Variants in PTPRB observed in about 807,000 individuals in gnomAD.
PTPRB encodes the protein receptor-type tyrosine-protein phosphatase beta.
In PTPRB, 97 loss-of-function variants were observed where a neutral mutation model predicts 238.1. That is an observed-to-expected ratio of 0.41 (90% CI 0.35 to 0.48). The LOEUF is 0.48. Among genes scored for constraint, PTPRB ranks in the 20% least tolerant of loss-of-function variants. PTPRB has a pLI of 0.30. For missense variants in PTPRB, 2,292 were observed against 2,681.9 expected (o/e 0.85, Z 3.21); for synonymous variants, 970 against 995.4 (o/e 0.97, Z 0.48).
At chr12:70,596,581 T>G (rs73144092) in intron 4 of PTPRB, among the ~76,000 whole-genome samples, 4,141 of 152,204 alleles carry the variant, frequency 0.027, 79 homozygotes, top group Middle Eastern at 0.051. Flanking sequence ...TGAAACTTTT[T>G]TTGTTGTTGT....
At chr12:70,543,468 C>G (rs1186141469) in intron 22 of PTPRB, among the ~76,000 whole-genome samples, 1 of 152,166 alleles carries the variant, frequency 6.6e-6, no homozygotes, top group Non-Finnish European at 1.5e-5. Context: ...TACAAAGTCC[C>G]TACATTAAAT....
intron 3 of PTPRB, among the ~76,000 whole-genome samples, chr12:70,620,597 G>A (rs1275766728): frequency 6.6e-6 from 1 of 151,960 alleles, no homozygotes. Flanking sequence ...TGGAAGTTTT[G>A]GCTAGGCACA....
intron 24 of PTPRB, 23 bp from the exon 25 acceptor site, chr12:70,539,867 GA>G: frequency 6.3e-7 from 1 of 1,576,294 alleles, no homozygotes; most frequent in Non-Finnish European, 8.7e-7. Flanking sequence ...GCCAAAAGAG[GA>G]AGACTTTGTT....
In PTPRB at chr12:70,571,332, C is replaced by G. The variant is rs954763356; in HGVS notation, c.3107-43G>C. 9 of 1,495,398 alleles carry G rather than the reference C, an allele frequency of 6.0e-6. No individual in the cohort carries two copies. The Admixed American group carries it at 1.1e-4, about 19-fold the overall frequency. 92.6% of individuals were successfully genotyped at this position (1,495,398 alleles called of 1,614,324 possible). ...AAGACATTTCAGGAAAGGAACTGAT[C>G]AGAGTTTACCTACATAATAATTTAT... On this transcript the variant is annotated intron_variant, in intron 12 of 33. Coordinates refer to ENST00000334414, the MANE Select transcript of PTPRB (RefSeq NM_001109754.4).
intron 2 of PTPRB, among the ~76,000 whole-genome samples, chr12:70,633,843 T>A (rs1178403946): frequency 6.6e-6 from 1 of 152,160 alleles, no homozygotes; most frequent in African/African-American, 2.4e-5. Flanking sequence ...TACTTTTTTT[T>A]AAAGTTCCAA....
chr12:70,622,502 T>C lies in PTPRB; in HGVS notation c.596A>G (p.Asn199Ser). Residue 199 changes from asparagine (N) to serine (S), a missense_variant, in exon 3 of 34, where the codon AAC (asparagine) becomes AGC (serine). By Grantham distance (46) the Asn-to-Ser change is conservative. Transcript: ENST00000334414. ...CCTCTCGCTGCTGTTTTGGCTGTAGTTTTCTGCAGCATTTCTGATGAAGGC... is the reference window on the plus strand; with the variant it reads ...CCTCTCGCTGCTGTTTTGGCTGTAGCTTTCTGCAGCATTTCTGATGAAGGC... ...TEAFIRNAAE[N>S]YSQNSSERQH... 1.2e-6 allele frequency: 2 copies of C among 1,613,378 alleles called. No individual in the cohort carries two copies. Among genetic ancestry groups the C allele is most frequent in the Non-Finnish European group, 1.7e-6 (2 of 1,179,632 alleles).
At chr12:70,557,083 G>A (rs1877795937) in intron 18 of PTPRB, among the ~76,000 whole-genome samples, 1 of 152,190 alleles carries the variant, frequency 6.6e-6, no homozygotes, top group Admixed American at 6.5e-5. Context: ...GGCTATTAGT[G>A]ATCAGCAGGA....
intron 10 of PTPRB, 34 bp from the exon 11 acceptor site, chr12:70,576,679 G>GGGGGGGGGGGGGGGGT (rs1555230214): frequency 9.0e-6 from 2 of 221,848 alleles, no homozygotes; most frequent in African/African-American, 5.3e-5. Context: ...CGGGGGGGGG[G>GGGGGGGGGGGGGGGGT]GGGAAGGGGG....
chr12:70,595,425 G>T (rs1565993331), intron 5 of PTPRB, among the ~76,000 whole-genome samples: 1 of 152,114 alleles, frequency 6.6e-6, no homozygotes, highest in African/African-American at 2.4e-5. Context: ...TTCTGCACAT[G>T]TATCCCAGAA....
chr12:70,616,984 T>G (rs945624644), intron 3 of PTPRB, among the ~76,000 whole-genome samples: 7 of 152,232 alleles, frequency 4.6e-5, no homozygotes. Context: ...GTCCTCTGTA[T>G]ACCTGAGTTA....
intron 22 of PTPRB, among the ~76,000 whole-genome samples, chr12:70,543,923 A>G (rs1875559399): frequency 6.6e-6 from 1 of 152,232 alleles, no homozygotes; most frequent in Non-Finnish European, 1.5e-5. Context: ...GAATTGGACA[A>G]GTTATCCCAT....
chr12:70,544,528 G>T, intron 22 of PTPRB, 29 bp downstream of exon 22: 1 of 1,470,958 alleles, frequency 6.8e-7, no homozygotes, highest in Non-Finnish European at 9.5e-7. Context: ...ATGGCAGTTG[G>T]TAGAACATGA....
In PTPRB at chr12:70,587,172, T is replaced by G. The variant is rs1430703018; in HGVS notation, c.2146A>C (p.Ile716Leu). 1.2e-6 allele frequency: 2 copies of G among 1,613,534 alleles called. No individual in the cohort carries two copies. The highest frequency in any genetic ancestry group is 2.7e-5 in the African/African-American group (2 of 74,902). ...AGGTCTCTGTCAGCTAGGGAAATGA[T>G]GTATTTCTCCCATTCTGCTACAGGG... Reference protein sequence around the residue: ...QTPVAEWEKYIISLADRDLLL... With the variant: ...QTPVAEWEKYLISLADRDLLL... Residue 716 changes from isoleucine to leucine, a missense_variant, in exon 9 of 34, where the codon ATC (isoleucine) becomes CTC (leucine). Around this residue, in one of 4 missense-constraint regions of PTPRB, gnomAD observed 1,205 missense variants for 1,287.8 expected, o/e 0.94. Coordinates refer to ENST00000334414, the MANE Select transcript of PTPRB (RefSeq NM_001109754.4).
At chr12:70,522,799 T>A (rs1419112350) in intron 33 of PTPRB, among the ~76,000 whole-genome samples, 1 of 152,030 alleles carries the variant, frequency 6.6e-6, no homozygotes, top group Non-Finnish European at 1.5e-5. Context: ...TTGTTTTACA[T>A]CCTGCTTTTC....
At chr12:70,570,335 T>C (rs2136372907) in intron 13 of PTPRB, among the ~76,000 whole-genome samples, 1 of 152,214 alleles carries the variant, frequency 6.6e-6, no homozygotes, top group Non-Finnish European at 1.5e-5. Flanking sequence ...GAAGATTGAT[T>C]CTTTTTTAAT....
chr12:70,531,887 T>A, intron 32 of PTPRB, 148 bp downstream of exon 32: 2 of 903,422 alleles, frequency 2.2e-6, no homozygotes, highest in Non-Finnish European at 3.4e-6. Context: ...AAATAACAAG[T>A]CTTAGAAAAT....
chr12:70,538,007 A>ATTT, intron 28 of PTPRB, 148 bp downstream of exon 28: 1 of 584,114 alleles, frequency 1.7e-6, no homozygotes, highest in Non-Finnish European at 2.9e-6. Flanking sequence ...TGGATACCCC[A>ATTT]TTTTTTTTAT....
intron 18 of PTPRB, 124 bp from the exon 19 acceptor site, chr12:70,556,272 G>T: frequency 2.3e-6 from 2 of 884,676 alleles, no homozygotes; most frequent in Non-Finnish European, 3.4e-6. Context: ...AATACAGAGT[G>T]TCGTGGCTCA....
intron 33 of PTPRB, among the ~76,000 whole-genome samples, chr12:70,522,868 T>C (rs1452942561): frequency 6.2e-5 from 9 of 146,092 alleles, no homozygotes; most frequent in Non-Finnish European, 1.4e-4. Flanking sequence ...TTTTTCTTTT[T>C]TTTTTTTTTT....
Sources: gnomAD v4.1 joint callset for allele counts (sites outside exome capture counted in the v4.1 genomes callset) on GRCh38, gnomAD v4.1.1 for gene constraint, gnomAD v4.1.1 regional missense constraint, MANE v1.5 for transcripts, NCBI Gene and HGNC (gene_info 2026-07-23, HGNC 2026-07-21) for gene names.